Variants in CDR2 observed in about 807,000 individuals in gnomAD.
The protein encoded by CDR2 is cerebellar degeneration-related protein 2.
Under a neutral mutation model 48.4 loss-of-function variants are expected in CDR2, and 34 were observed. That is an observed-to-expected ratio of 0.70 (90% CI 0.53 to 0.94). The LOEUF (loss-of-function observed/expected upper bound fraction) is 0.94. Among genes scored for constraint, CDR2 ranks in the 40% least tolerant of loss-of-function variants. The pLI, the probability that CDR2 is intolerant of heterozygous loss-of-function variation, is 0.00. For synonymous variants in CDR2, 240 were observed against 219.7 expected (o/e 1.09, Z -0.82); for missense variants, 498 against 549.5 (o/e 0.91, Z 0.94).
intron 1 of CDR2, among the ~76,000 whole-genome samples, chr16:22,373,531 G>A (rs985221711): frequency 2.6e-5 from 4 of 152,198 alleles, no homozygotes; most frequent in African/African-American, 9.7e-5. Flanking sequence ...CCACTTTACC[G>A]TTTTAATCTC....
At position 22,347,380 on chromosome 16, in the gene CDR2, C is replaced by A. The variant is rs750897850; in HGVS notation, c.950G>T (p.Ser317Ile). The stretch of plus-strand genomic sequence containing the variant: ...CTTCACGATGTCACTCCCTGCCAAG[C>A]TGCTGAGGATCGTCTCACTGCTGCT... ...KRSSSETILS[S>I]LAGSDIVKGH... The change falls in exon 5 of 5, where the codon AGC becomes ATC. Residue 317 changes from serine to isoleucine, a missense_variant. Coordinates refer to ENST00000268383, the MANE Select transcript of CDR2 (RefSeq NM_001802.2). 1 of 1,614,236 alleles carries A rather than the reference C, an allele frequency of 6.2e-7. No homozygotes were observed. The highest frequency in any genetic ancestry group is 1.7e-5 in the Admixed American group (1 of 60,034).
At chr16:22,348,773 T>A (rs74473960) in intron 4 of CDR2, among the ~76,000 whole-genome samples, 2,302 of 152,326 alleles carry the variant, frequency 0.015, 52 homozygotes, top group African/African-American at 0.052. Flanking sequence ...GTGTTTTTAT[T>A]TGCTTATCTG....
chr16:22,370,678 A>G (rs2049069896), intron 1 of CDR2, among the ~76,000 whole-genome samples: 1 of 152,150 alleles, frequency 6.6e-6, no homozygotes, highest in Admixed American at 6.5e-5. Context: ...TCTCTTCATC[A>G]AAGAGTTTTG....
At chr16:22,370,392 A>G (rs2049068154) in intron 1 of CDR2, among the ~76,000 whole-genome samples, 1 of 152,254 alleles carries the variant, frequency 6.6e-6, no homozygotes, top group Non-Finnish European at 1.5e-5. Flanking sequence ...CTGCAATTTT[A>G]GGATTCCTTT....
rs777794004 is a variant in CDR2 at position 22,364,889 on chromosome 16, C to A, written c.192+13G>T. 2.0e-6 allele frequency: 3 copies of A among 1,483,052 alleles called. No homozygotes were observed. The highest frequency in any genetic ancestry group is 1.1e-5 in the South Asian group (1 of 88,128). The allele number at this position is 1,483,052 out of a possible 1,614,324, so 91.9% of individuals were successfully genotyped here. A position where few individuals can be genotyped will look rare whatever the true frequency, so the allele number is the denominator to read the frequency against. On this transcript the variant is annotated intron_variant, in intron 2 of 4. Transcript: ENST00000268383. Reference sequence around the variant, plus strand: ...AAGTGTCAAAAGTGTAACTCTCCTGCCAAGTGAATTACCTCAATTTCCTGT... The same window carrying A: ...AAGTGTCAAAAGTGTAACTCTCCTGACAAGTGAATTACCTCAATTTCCTGT...
At chr16:22,365,808 T>C (rs761831930) in intron 1 of CDR2, among the ~76,000 whole-genome samples, 4 of 152,208 alleles carry the variant, frequency 2.6e-5, no homozygotes, top group Non-Finnish European at 5.9e-5. Context: ...GTCATTGAAA[T>C]ACTTCTTTGC....
chr16:22,357,696 C>G (rs2048984365), intron 2 of CDR2, among the ~76,000 whole-genome samples: 1 of 152,214 alleles, frequency 6.6e-6, no homozygotes, highest in Admixed American at 6.5e-5. Context: ...CCAGATGGGT[C>G]TCAAGTTGTT....
rs778169601 is a variant in CDR2 at position 22,374,318 on chromosome 16, G to C, written c.-9C>G. On this transcript the variant is annotated 5_prime_UTR_variant, in exon 1 of 5. Transcript: ENST00000268383. ...AGGTTTTCCGCCAGCATCTCGGCTG[G>C]GTCTTCTAGGGGCAGCGGCCCCCGC... The C allele has an allele frequency of 4.4e-6, 7 of 1,584,706 alleles. No homozygotes were observed. Among genetic ancestry groups the C allele is most frequent in the Non-Finnish European group, 6.0e-6 (7 of 1,163,870 alleles).
At chr16:22,350,922 C>T (rs1851552629) in intron 2 of CDR2, among the ~76,000 whole-genome samples, 1 of 152,130 alleles carries the variant, frequency 6.6e-6, no homozygotes, top group Admixed American at 6.5e-5. Flanking sequence ...TACATGTGCA[C>T]AATGTGCAGG....
intron 2 of CDR2, among the ~76,000 whole-genome samples, chr16:22,352,897 T>C (rs1398748015): frequency 1.3e-5 from 2 of 152,148 alleles, no homozygotes; most frequent in Non-Finnish European, 2.9e-5. Flanking sequence ...TGCGTGAAGC[T>C]TTCTCAGAAC....
Position 22,346,189 on chromosome 16 carries a change from G to A in CDR2, c.*776C>T, listed in dbSNP as rs946048034. On this transcript the variant is annotated 3_prime_UTR_variant, in exon 5 of 5. Coordinates refer to ENST00000268383, the MANE Select transcript of CDR2 (RefSeq NM_001802.2). ...CAGAAAACAGGTAGGAAGGGAAGGGGTTTGATCTTTCCCCTTTAGTTTGAA... is the reference window on the plus strand; with the variant it reads ...CAGAAAACAGGTAGGAAGGGAAGGGATTTGATCTTTCCCCTTTAGTTTGAA... The A allele has an allele frequency of 5.3e-5, 8 of 152,374 alleles. No individual in the cohort carries two copies. Among genetic ancestry groups the A allele is most frequent in the African/African-American group, 1.9e-4 (8 of 41,456 alleles). The allele number at this position is 152,374 out of a possible 1,614,324, so 9.4% of individuals were successfully genotyped here. A position where few individuals can be genotyped will look rare whatever the true frequency, so the allele number is the denominator to read the frequency against.
chr16:22,365,800 C>A (rs1454967394), intron 1 of CDR2, among the ~76,000 whole-genome samples: 1 of 152,122 alleles, frequency 6.6e-6, no homozygotes, highest in Non-Finnish European at 1.5e-5. Context: ...TAACATACGT[C>A]ATTGAAATAC....
At position 22,362,789 on chromosome 16, in the gene CDR2, T is replaced by C. The variant is rs560756383; in HGVS notation, c.192+2113A>G. 7.2e-4 allele frequency among the ~76,000 whole-genome samples: 109 copies of C among 152,320 alleles called. 1 individual carries two copies. The highest frequency in any genetic ancestry group is 1.9e-3 in the South Asian group (9 of 4,832). ...TTAGACTAGAGACACGGTCTCACTT[T>C]GTGGCCCAGTCTGGTCTCAAACCCT... On this transcript the variant is annotated intron_variant, in intron 2 of 4. Coordinates refer to ENST00000268383, the MANE Select transcript of CDR2 (RefSeq NM_001802.2).
chr16:22,351,021 C>T (rs2048938277), intron 2 of CDR2, among the ~76,000 whole-genome samples: 1 of 152,148 alleles, frequency 6.6e-6, no homozygotes, highest in Admixed American at 6.5e-5. Flanking sequence ...ATGCTATCCC[C>T]ACCCCGACAG....
rs755384775 is a variant in CDR2 at position 22,346,938 on chromosome 16, A to T, written c.*27T>A. 2 of 1,592,352 alleles carry T rather than the reference A, an allele frequency of 1.3e-6. No homozygotes were observed. The highest frequency in any genetic ancestry group is 2.3e-5 in the South Asian group (2 of 88,588). On this transcript the variant is annotated 3_prime_UTR_variant, in exon 5 of 5. Transcript: ENST00000268383. Reference sequence around the variant, plus strand: ...GAGAGAGAGGCGATAGGCAATAGGCAAATTAGTAGTAGAGCTAGAGGTTCA... The same window carrying T: ...GAGAGAGAGGCGATAGGCAATAGGCTAATTAGTAGTAGAGCTAGAGGTTCA...
chr16:22,359,908 G>A (rs1598294138), intron 2 of CDR2, among the ~76,000 whole-genome samples: 2 of 152,236 alleles, frequency 1.3e-5, no homozygotes, highest in Admixed American at 1.3e-4. Flanking sequence ...CTGTTGCAAT[G>A]GGAAATAAGG....
At chr16:22,348,825 T>C (rs2048923426) in intron 4 of CDR2, among the ~76,000 whole-genome samples, 1 of 152,208 alleles carries the variant, frequency 6.6e-6, no homozygotes, top group South Asian at 2.1e-4. Context: ...AGAAACTATT[T>C]TGCTCGCCAA....
intron 1 of CDR2, among the ~76,000 whole-genome samples, chr16:22,373,494 TC>T (rs1258259608): frequency 6.6e-6 from 1 of 152,154 alleles, no homozygotes; most frequent in Non-Finnish European, 1.5e-5. Flanking sequence ...CAAAAAACAC[TC>T]CCTCCCACAC....
intron 1 of CDR2, among the ~76,000 whole-genome samples, chr16:22,369,420 C>T (rs2049062703): frequency 6.6e-6 from 1 of 152,166 alleles, no homozygotes; most frequent in Non-Finnish European, 1.5e-5. Context: ...AGCCAGGAAC[C>T]TCTTCCCTGC....
Sources: allele counts gnomAD v4.1 joint callset (sites outside exome capture counted in the v4.1 genomes callset), GRCh38; gene constraint gnomAD v4.1.1; transcripts MANE v1.5; gene names NCBI Gene and HGNC (gene_info 2026-07-23, HGNC 2026-07-21).